Variants in A4GALT observed in about 807,000 individuals in gnomAD.
A4GALT encodes the protein lactosylceramide 4-alpha-galactosyltransferase.
For missense variants in A4GALT, 512 were observed against 486.0 expected, an observed-to-expected ratio of 1.05 and a Z score of -0.50; for synonymous variants, 257 against 220.7, an observed-to-expected ratio of 1.16 and a Z score of -1.46.
Position 42,719,946 on chromosome 22 carries a change from A to T in A4GALT, c.-188+851T>A, listed in dbSNP as rs547372698. Reference sequence around the variant, plus strand: ...GGGGAAATGGCGCTTTAACCCACTCAGGGCCAGAGGCTCAGCCGAGACTAT... The same window carrying T: ...GGGGAAATGGCGCTTTAACCCACTCTGGGCCAGAGGCTCAGCCGAGACTAT... On this transcript the variant is annotated intron_variant, in intron 1 of 2. Transcript: ENST00000642412. Among the ~76,000 whole-genome samples the T allele has an allele frequency of 2.2e-3, 338 of 152,234 alleles. 1 individual carries two copies. Among genetic ancestry groups the T allele is most frequent in the African/African-American group, 7.7e-3 (321 of 41,558 alleles).
intron 1 of A4GALT, among the ~76,000 whole-genome samples, chr22:42,709,067 A>ATATATATATATATATTTTTTTT (rs1180529043): frequency 7.0e-4 from 90 of 128,788 alleles, no homozygotes; most frequent in South Asian, 1.6e-3. Flanking sequence ...ATATATATAT[A>ATATATATATATATATTTTTTTT]TTTTTTTTAA....
At chr22:42,703,878 T>C (rs1920947720) in intron 1 of A4GALT, among the ~76,000 whole-genome samples, 1 of 152,116 alleles carries the variant, frequency 6.6e-6, no homozygotes, top group African/African-American at 2.4e-5. Flanking sequence ...AGTACAGAAT[T>C]CAAATCCAGG....
At chr22:42,699,152 C>T (rs1422946224) in intron 1 of A4GALT, among the ~76,000 whole-genome samples, 1 of 151,900 alleles carries the variant, frequency 6.6e-6, no homozygotes, top group African/African-American at 2.4e-5. Flanking sequence ...GGCCCGATCT[C>T]GGTTCACTAA....
chr22:42,697,183 T>A (rs41277501), intron 1 of A4GALT, among the ~76,000 whole-genome samples: 18,108 of 152,036 alleles, frequency 0.12, 1,659 homozygotes, highest in East Asian at 0.55. Context: ...AATGAGTGAA[T>A]TAATGAATGA....
intron 1 of A4GALT, among the ~76,000 whole-genome samples, chr22:42,697,898 G>C (rs1931046298): frequency 6.6e-6 from 1 of 152,172 alleles, no homozygotes; most frequent in South Asian, 2.1e-4. Flanking sequence ...CCCTTCCATG[G>C]CTCCCATCGC....
intron 1 of A4GALT, among the ~76,000 whole-genome samples, chr22:42,719,216 A>T (rs1385121200): frequency 6.6e-6 from 1 of 151,902 alleles, no homozygotes; most frequent in Admixed American, 6.6e-5. Flanking sequence ...ATGGCTGTCC[A>T]TTTTGGAGTT....
intron 1 of A4GALT, among the ~76,000 whole-genome samples, chr22:42,707,911 G>A (rs1308658768): frequency 6.8e-6 from 1 of 146,380 alleles, no homozygotes; most frequent in Non-Finnish European, 1.5e-5. Flanking sequence ...GGGGTGGGAG[G>A]ATCGTTTGAG....
chr22:42,716,269 C>T (rs983358243), intron 1 of A4GALT, among the ~76,000 whole-genome samples: 1 of 152,220 alleles, frequency 6.6e-6, no homozygotes, highest in East Asian at 1.9e-4. Flanking sequence ...TGACCATCCT[C>T]TCCACCACTG....
In A4GALT at chr22:42,692,903, T is replaced by G. The variant is rs753162528; in HGVS notation, c.1049A>C (p.Lys350Thr). The change falls in exon 3 of 3, where the codon AAA becomes ACA. Residue 350 changes from lysine to threonine, a missense_variant. Coordinates refer to ENST00000642412, the MANE Select transcript of A4GALT (RefSeq NM_017436.7). The surrounding 1 kb of genome is among the most constrained non-coding windows in gnomAD (Gnocchi z 4.6). ...CTGGCGGGCCCCTCACAAGTACATT[T>G]TCATGGCCTCGTGCGTCGTGGGGCA... ...RYCPTTHEAMKMYL is the reference protein window; with the variant it reads ...RYCPTTHEAMTMYL 8.7e-6 allele frequency: 14 copies of G among 1,602,778 alleles called. No individual in the cohort carries two copies. The highest frequency in any genetic ancestry group is 1.2e-5 in the Non-Finnish European group (14 of 1,179,756).
intron 1 of A4GALT, among the ~76,000 whole-genome samples, chr22:42,712,954 C>G (rs992956265): frequency 4.6e-5 from 7 of 152,118 alleles, no homozygotes; most frequent in South Asian, 2.1e-4. Flanking sequence ...ATTCTCCCCC[C>G]GCTCCCCCAG....
intron 1 of A4GALT, among the ~76,000 whole-genome samples, chr22:42,705,016 C>T (rs1326889289): frequency 6.6e-6 from 1 of 152,152 alleles, no homozygotes; most frequent in Non-Finnish European, 1.5e-5. Context: ...CAAGTGACCT[C>T]TTGAGACAGG....
rs28915388 is a variant in A4GALT, at chr22:42,692,407, C to T, written c.*483G>A. On this transcript the variant is annotated 3_prime_UTR_variant, in exon 3 of 3. Transcript: ENST00000642412. The surrounding 1 kb of genome is among the most constrained non-coding windows in gnomAD (Gnocchi z 4.6). ...TCCCCCACCCCCCGCGAAAGAGGAA[C>T]CAAAACCAGAAAAGAACAAAGCATC... The T allele has an allele frequency of 2.2e-3, 688 of 312,350 alleles. 3 individuals carry two copies. The highest frequency in any genetic ancestry group is 0.014 in the African/African-American group (637 of 45,820). 19.3% of individuals were successfully genotyped at this position (312,350 alleles called of 1,614,324 possible).
chr22:42,699,132 G>A (rs1931135472), intron 1 of A4GALT, among the ~76,000 whole-genome samples: 1 of 151,826 alleles, frequency 6.6e-6, no homozygotes, highest in South Asian at 2.1e-4. Context: ...CGCCCAGGCT[G>A]GAGTGTAATG....
intron 1 of A4GALT, among the ~76,000 whole-genome samples, chr22:42,717,720 C>G (rs1165176505): frequency 1.3e-5 from 2 of 152,030 alleles, no homozygotes; most frequent in Non-Finnish European, 2.9e-5. Context: ...AAACTTGCTG[C>G]TCCTCTCTAT....
chr22:42,716,954 C>T (rs1398512971), intron 1 of A4GALT, among the ~76,000 whole-genome samples: 4 of 152,226 alleles, frequency 2.6e-5, no homozygotes, highest in African/African-American at 9.6e-5. Context: ...ACCTGGCTCC[C>T]TGTCTGCCAG....
chr22:42,694,897 AG>A (rs1436467640), intron 2 of A4GALT: 3 of 152,204 alleles, frequency 2.0e-5, no homozygotes, highest in African/African-American at 7.2e-5. Flanking sequence ...TCTCACACAT[AG>A]GAACATGTGT....
In A4GALT at chr22:42,694,006, G is replaced by GA. The variant is rs1930735962; in HGVS notation, c.-46-10dup. 6.8e-7 allele frequency: 1 copy of GA among 1,469,016 alleles called. No homozygotes were observed. Among genetic ancestry groups the GA allele is most frequent in the Non-Finnish European group, 9.3e-7 (1 of 1,080,508 alleles). 91.0% of individuals were successfully genotyped at this position (1,469,016 alleles called of 1,614,324 possible). ...AGCAGGAACCGGCTGGTCTGCAAGAGATGAGCACCCGCCATCAGGGAGGCC... is the reference window on the plus strand; with the variant it reads ...AGCAGGAACCGGCTGGTCTGCAAGAGAATGAGCACCCGCCATCAGGGAGGCC... On this transcript the variant is annotated splice_polypyrimidine_tract_variant and intron_variant, in intron 2 of 2. Coordinates refer to ENST00000642412, the MANE Select transcript of A4GALT (RefSeq NM_017436.7).
intron 1 of A4GALT, among the ~76,000 whole-genome samples, chr22:42,697,958 G>T (rs1025184446): frequency 2.6e-5 from 4 of 152,186 alleles, no homozygotes; most frequent in Non-Finnish European, 5.9e-5. Context: ...GAGAGGAGAG[G>T]TGCAGGGCAT....
intron 1 of A4GALT, among the ~76,000 whole-genome samples, chr22:42,717,520 G>A (rs1035285772): frequency 1.4e-4 from 21 of 152,042 alleles, no homozygotes; most frequent in Non-Finnish European, 2.4e-4. Flanking sequence ...TCACCAGCCC[G>A]GGAGGATCCT....
Sources: allele counts gnomAD v4.1 joint callset (sites outside exome capture counted in the v4.1 genomes callset), GRCh38; gene constraint gnomAD v4.1.1; non-coding constraint Gnocchi (gnomAD v3.1); transcripts MANE v1.5; gene names NCBI Gene and HGNC (gene_info 2026-07-23, HGNC 2026-07-21).